BAZ1A: variants seen among roughly 807,000 people sequenced by gnomAD.
The protein encoded by BAZ1A is bromodomain adjacent to zinc finger domain protein 1A.
BAZ1A carries 50 observed loss-of-function variants against 185.2 expected under a neutral mutation model. The observed-to-expected ratio is 0.27, with a 90% CI of 0.22 to 0.34. The LOEUF (loss-of-function observed/expected upper bound fraction) is 0.34. Ranked by LOEUF, BAZ1A falls within the 10% of genes least tolerant of loss-of-function variation. The pLI, the probability that BAZ1A is intolerant of heterozygous loss-of-function variation, is 1.00. For synonymous variants in BAZ1A, 571 were observed against 615.6 expected, an observed-to-expected ratio of 0.93 and a Z score of 1.07; for missense variants, 1,356 against 1,839.9, an observed-to-expected ratio of 0.74 and a Z score of 4.81.
chr14:34,809,641 A>G (rs1408974898), intron 5 of BAZ1A, among the ~76,000 whole-genome samples: 1 of 152,206 alleles, frequency 6.6e-6, no homozygotes, highest in Non-Finnish European at 1.5e-5. Context: ...ATTATGAAGT[A>G]TAACTTTCTC....
chr14:34,795,058 TC>T (rs1184808637), intron 10 of BAZ1A, among the ~76,000 whole-genome samples, 171 bp from the exon 11 acceptor site: 1 of 152,222 alleles, frequency 6.6e-6, no homozygotes, highest in African/African-American at 2.4e-5. Context: ...ATTATAGATG[TC>T]CTGAACTTGT....
chr14:34,783,767 A>C lies in BAZ1A; in HGVS notation c.1992T>G (p.Ala664=). 6.2e-7 allele frequency: 1 copy of C among 1,604,086 alleles called. No homozygotes were observed. The highest frequency in any genetic ancestry group is 8.5e-7 in the Non-Finnish European group (1 of 1,177,448). ...CTATTACAATTATCTCTTACCTGGC[A>C]GCTGCTTCTTCCCTCTCTTTTCGAT... The part of the protein sequence containing the change: ...EQHRKEREEA[A]ARIRKRKEEK... Residue 664 remains alanine (A), a synonymous_variant, in exon 15 of 27, where the codon GCT becomes GCG. Coordinates refer to ENST00000360310, the MANE Select transcript of BAZ1A (RefSeq NM_013448.3).
intron 4 of BAZ1A, among the ~76,000 whole-genome samples, chr14:34,814,286 A>C (rs997724813): frequency 6.6e-6 from 1 of 151,528 alleles, no homozygotes; most frequent in Non-Finnish European, 1.5e-5. Flanking sequence ...TATGCATTAT[A>C]TATTAACATA....
chr14:34,849,195 C>G (rs2042560749), intron 3 of BAZ1A, among the ~76,000 whole-genome samples: 1 of 152,130 alleles, frequency 6.6e-6, no homozygotes, highest in Non-Finnish European at 1.5e-5. Flanking sequence ...GAGGCTGAAG[C>G]AGAAGGATTG....
chr14:34,758,115 C>CAAAAA (rs1192197844), intron 25 of BAZ1A, among the ~76,000 whole-genome samples: 11 of 62,420 alleles, frequency 1.8e-4, no homozygotes, highest in Non-Finnish European at 4.1e-4. Context: ...GACCCTGTCT[C>CAAAAA]AAAAAAAAAA....
chr14:34,851,490 A>AT (rs1199773981), intron 3 of BAZ1A, among the ~76,000 whole-genome samples: 2 of 152,084 alleles, frequency 1.3e-5, no homozygotes, highest in Admixed American at 1.3e-4. Flanking sequence ...TGACTACACA[A>AT]TGAGTCCAAA....
At chr14:34,838,468 T>G (rs1015280377) in intron 3 of BAZ1A, among the ~76,000 whole-genome samples, 1 of 152,134 alleles carries the variant, frequency 6.6e-6, no homozygotes, top group East Asian at 1.9e-4. Context: ...GTCAGTATTC[T>G]GGTTGTGATA....
intron 12 of BAZ1A, among the ~76,000 whole-genome samples, chr14:34,792,096 T>C (rs1394230320): frequency 1.3e-5 from 2 of 152,222 alleles, no homozygotes; most frequent in Non-Finnish European, 2.9e-5. Flanking sequence ...AATTAAAGTA[T>C]TTCCTGGTCA....
At chr14:34,792,515 T>C (rs1280639854) in intron 12 of BAZ1A, among the ~76,000 whole-genome samples, 1 of 152,180 alleles carries the variant, frequency 6.6e-6, no homozygotes, top group Non-Finnish European at 1.5e-5. Context: ...GTAATGCTCC[T>C]AAATCATAGG....
intron 3 of BAZ1A, among the ~76,000 whole-genome samples, chr14:34,852,449 TC>T (rs1348337342): frequency 2.0e-5 from 3 of 151,962 alleles, no homozygotes; most frequent in Non-Finnish European, 4.4e-5. Flanking sequence ...TGAAACTGTC[TC>T]TACTGAAAAT....
chr14:34,871,602 G>A (rs890664316), intron 2 of BAZ1A, among the ~76,000 whole-genome samples: 1 of 152,266 alleles, frequency 6.6e-6, no homozygotes, highest in Non-Finnish European at 1.5e-5. Flanking sequence ...GCCAAGTGCG[G>A]TGGCTCACGC....
chr14:34,838,254 A>AT (rs1594890613), intron 3 of BAZ1A, among the ~76,000 whole-genome samples: 1 of 152,222 alleles, frequency 6.6e-6, no homozygotes, highest in African/African-American at 2.4e-5. Flanking sequence ...GGTGTGCTAG[A>AT]TATTTATTAA....
intron 12 of BAZ1A, among the ~76,000 whole-genome samples, chr14:34,789,065 A>G (rs1007003289): frequency 6.6e-6 from 1 of 152,354 alleles, no homozygotes; most frequent in East Asian, 1.9e-4. Flanking sequence ...TACCAGACCT[A>G]ATCTAGCCCA....
At position 34,862,188 on chromosome 14, in the gene BAZ1A, T is replaced by C; in HGVS notation, c.248A>G (p.Glu83Gly). The C allele has an allele frequency of 6.2e-7, 1 of 1,614,184 alleles. No individual in the cohort carries two copies. Among genetic ancestry groups the C allele is most frequent in the Non-Finnish European group, 8.5e-7 (1 of 1,180,040 alleles). Reference protein sequence around the residue: ...KARQNLQSFPEPLIIPVLYLT... With the variant: ...KARQNLQSFPGPLIIPVLYLT... Reference sequence around the variant, plus strand: ...GTATAAAACTGGAATAATTAGTGGTTCTGGAAAACTCTGAAGATTCTGTCT... The same window carrying C: ...GTATAAAACTGGAATAATTAGTGGTCCTGGAAAACTCTGAAGATTCTGTCT... The change falls in exon 3 of 27, where the codon GAA becomes GGA. Residue 83 changes from glutamate (E) to glycine (G), a missense_variant. Glu to Gly is a moderately conservative substitution (Grantham distance 98). This residue lies in a region of BAZ1A where 332 missense variants were observed against 395.3 expected (regional missense o/e 0.84). Coordinates refer to ENST00000360310, the MANE Select transcript of BAZ1A (RefSeq NM_013448.3).
chr14:34,802,785 C>T (rs1881635524), intron 7 of BAZ1A, 69 bp downstream of exon 7: 4 of 1,500,308 alleles, frequency 2.7e-6, no homozygotes, highest in Non-Finnish European at 3.6e-6. Context: ...GGGAGACAAA[C>T]ATACTTCTTG....
rs1566545172 is a variant in BAZ1A at position 34,761,806 on chromosome 14, A to G, written c.4194T>C (p.Ser1398=). ...SRSVNIASKL[S]LQESESKRRC... is the part of the protein sequence containing the mutation. Reference sequence around the variant, plus strand: ...TTCTTTTGGATTCACTCTCTTGGAGAGAAAGTTTTGAAGCAATATTTACAG... The same window carrying G: ...TTCTTTTGGATTCACTCTCTTGGAGGGAAAGTTTTGAAGCAATATTTACAG... The change falls in exon 24 of 27, where the codon TCT becomes TCC. Residue 1398 remains serine, a synonymous_variant. Transcript: ENST00000360310. 8 of 1,614,140 alleles carry G rather than the reference A, an allele frequency of 5.0e-6. No homozygotes were observed. Among genetic ancestry groups the G allele is most frequent in the Non-Finnish European group, 6.8e-6 (8 of 1,180,010 alleles).
chr14:34,808,285 G>A lies in BAZ1A; in HGVS notation c.639-747C>T, dbSNP rs552418277. Reference sequence around the variant, plus strand: ...GAGGAGGGTGGATCACTTGAGGTCAGGAGTTCGAGACCAGCCTGGCCAACA... The same window carrying A: ...GAGGAGGGTGGATCACTTGAGGTCAAGAGTTCGAGACCAGCCTGGCCAACA... On this transcript the variant is annotated intron_variant, in intron 5 of 26. Coordinates refer to ENST00000360310, the MANE Select transcript of BAZ1A (RefSeq NM_013448.3). 2.6e-5 allele frequency among the ~76,000 whole-genome samples: 4 copies of A among 152,122 alleles called. No homozygotes were observed. The East Asian group carries it at 7.7e-4, about 29-fold the overall frequency.
In BAZ1A at chr14:34,756,466, ATTTT is replaced by A. The variant is rs1158606061; in HGVS notation, c.4387-1556_4387-1553del. Among the ~76,000 whole-genome samples, 6 of 79,024 alleles carry A rather than the reference ATTTT, an allele frequency of 7.6e-5. No individual in the cohort carries two copies. In the East Asian group the frequency reaches 1.6e-3, roughly 21 times the overall value. 51.8% of individuals were successfully genotyped at this position (79,024 alleles called of 152,430 possible). On this transcript the variant is annotated intron_variant, in intron 25 of 26. Coordinates refer to ENST00000360310, the MANE Select transcript of BAZ1A (RefSeq NM_013448.3). ...CACACTGCACCCAGCCAGAATACCT[ATTTT>A]TTTTTTTTTTTTTTTTTTTTTGAGA...
chr14:34,804,908 G>A (rs1881772303), intron 6 of BAZ1A, among the ~76,000 whole-genome samples: 1 of 152,184 alleles, frequency 6.6e-6, no homozygotes, highest in South Asian at 2.1e-4. Flanking sequence ...TTGTGTGCTT[G>A]CTCACAAAGG....
Sources: allele counts gnomAD v4.1 joint callset (sites outside exome capture counted in the v4.1 genomes callset), GRCh38; gene constraint gnomAD v4.1.1; regional missense constraint gnomAD v4.1.1; transcripts MANE v1.5; gene names NCBI Gene and HGNC (gene_info 2026-07-23, HGNC 2026-07-21).